The following ABLIM1 variants were observed in gnomAD, a reference collection of about 807,000 sequenced individuals.
ABLIM1 encodes actin binding LIM protein 1.
In ABLIM1, 40 loss-of-function variants were observed where a neutral mutation model predicts 107.0. The observed-to-expected ratio is 0.37, with a 90% confidence interval of 0.29 to 0.49. The LOEUF is 0.49. Ranked by LOEUF, ABLIM1 falls within the 20% of genes least tolerant of loss-of-function variation. The pLI is 0.97. For missense variants in ABLIM1, 857 were observed against 1,008.5 expected, an observed-to-expected ratio of 0.85 and a Z score of 2.04; for synonymous variants, 357 against 357.3, an observed-to-expected ratio of 1.00 and a Z score of 0.01.
rs569699365 is a variant in ABLIM1, at chr10:114,628,895, G to A, written c.245-26934C>T. On this transcript the variant is annotated intron_variant, in intron 1 of 22. Transcript: ENST00000533213. ...TACAGCTTTTTAAATGAGTATAGTGGGCCTCTGGAGTATAGGTTGACGAGC... is the reference window on the plus strand; with the variant it reads ...TACAGCTTTTTAAATGAGTATAGTGAGCCTCTGGAGTATAGGTTGACGAGC... 1.4e-4 allele frequency among the ~76,000 whole-genome samples: 21 copies of A among 152,142 alleles called. 2 individuals are homozygous for A. In the South Asian group the frequency reaches 3.7e-3, roughly 27 times the overall value.
the ABLIM1 span, among the ~76,000 whole-genome samples, chr10:114,789,539 C>T: frequency 6.6e-6 from 1 of 152,256 alleles, no homozygotes; most frequent in East Asian, 1.9e-4. Context: ...TTTACACTCC[C>T]ACCAGAAGTG....
In ABLIM1 at chr10:114,571,143, G is replaced by C. The variant is rs761356105; in HGVS notation, c.673+154C>G. The stretch of plus-strand genomic sequence containing the variant: ...TTGAGCACCTTTTCATGTACCTGTT[G>C]GCCATTTTAATGTCATCTTTGGAGA... On this transcript the variant is annotated intron_variant, in intron 4 of 22. Coordinates refer to ENST00000533213, the MANE Select transcript of ABLIM1 (RefSeq NM_002313.7). Among the ~76,000 whole-genome samples, 24 of 152,178 alleles carry C rather than the reference G, an allele frequency of 1.6e-4. No homozygotes were observed. In the South Asian group the frequency reaches 2.7e-3, roughly 17 times the overall value.
chr10:114,643,854 G>A (rs1395887053), intron 1 of ABLIM1, among the ~76,000 whole-genome samples: 1 of 152,024 alleles, frequency 6.6e-6, no homozygotes, highest in Non-Finnish European at 1.5e-5. Flanking sequence ...GGGATTACAG[G>A]TGCGAGTCAC....
chr10:114,439,763 A>T, intron 20 of ABLIM1: 1 of 407,764 alleles, frequency 2.5e-6, no homozygotes, highest in South Asian at 3.7e-5. Context: ...GAGAGATTAT[A>T]ATTAAAAGAA....
intron 10 of ABLIM1, among the ~76,000 whole-genome samples, chr10:114,471,940 G>A (rs556165629): frequency 1.3e-5 from 2 of 152,190 alleles, no homozygotes; most frequent in Middle Eastern, 3.4e-3. Flanking sequence ...CGATTGGCCA[G>A]GGGAAACGGA....
intron 6 of ABLIM1, among the ~76,000 whole-genome samples, chr10:114,538,341 G>A (rs1483038475): frequency 2.6e-5 from 4 of 152,168 alleles, no homozygotes; most frequent in African/African-American, 7.2e-5. Flanking sequence ...GTCTAAAAGC[G>A]AGTCTAAATC....
chr10:114,563,088 G>A (rs1375480894), intron 4 of ABLIM1, among the ~76,000 whole-genome samples: 1 of 152,176 alleles, frequency 6.6e-6, no homozygotes, highest in Non-Finnish European at 1.5e-5. Flanking sequence ...TTTTGGAAAA[G>A]AAGACATGCA....
chr10:114,720,335 C>T (rs910061772), intron 1 of ABLIM1, among the ~76,000 whole-genome samples: 1 of 152,114 alleles, frequency 6.6e-6, no homozygotes, highest in Admixed American at 6.6e-5. Flanking sequence ...TATGAACATA[C>T]ATGTACATGT....
At chr10:114,763,638 C>A (rs888980158) in intron 1 of ABLIM1, among the ~76,000 whole-genome samples, 2 of 152,112 alleles carry the variant, frequency 1.3e-5, no homozygotes, top group Admixed American at 6.5e-5. Context: ...GCTGCCTTGG[C>A]CTCCCAAAGT....
At chr10:114,676,167 C>T (rs773190617) in intron 1 of ABLIM1, among the ~76,000 whole-genome samples, 5 of 152,188 alleles carry the variant, frequency 3.3e-5, no homozygotes, top group African/African-American at 4.8e-5. Context: ...GGAAACACAA[C>T]TGGTATAACA....
At chr10:114,728,673 G>T (rs1039016388) in intron 1 of ABLIM1, among the ~76,000 whole-genome samples, 1 of 151,686 alleles carries the variant, frequency 6.6e-6, no homozygotes, top group Admixed American at 6.6e-5. Flanking sequence ...AAGCTGTGAT[G>T]TGTATTGTTC....
At chr10:114,605,662 A>C (rs1402044032) in intron 1 of ABLIM1, among the ~76,000 whole-genome samples, 3 of 152,128 alleles carry the variant, frequency 2.0e-5, no homozygotes, top group Admixed American at 6.5e-5. Flanking sequence ...ACAATGAAAA[A>C]CCAAAAGCAT....
intron 6 of ABLIM1, among the ~76,000 whole-genome samples, chr10:114,508,823 A>G (rs1302040618): frequency 1.3e-5 from 2 of 152,258 alleles, no homozygotes; most frequent in African/African-American, 4.8e-5. Flanking sequence ...TGGTCACCAC[A>G]CAGTGATTAA....
the ABLIM1 span, among the ~76,000 whole-genome samples, chr10:114,792,582 C>G: frequency 6.6e-6 from 1 of 152,160 alleles, no homozygotes; most frequent in African/African-American, 2.4e-5. Flanking sequence ...GTTCCCCTAC[C>G]TCCTGCTGGC....
chr10:114,679,227 A>C (rs545138167), intron 1 of ABLIM1, among the ~76,000 whole-genome samples: 1 of 152,248 alleles, frequency 6.6e-6, no homozygotes, highest in South Asian at 2.1e-4. Context: ...CAAACCTAAA[A>C]TCTTACTATC....
chr10:114,468,149 C>T, intron 11 of ABLIM1, 32 bp downstream of exon 11: 1 of 1,595,376 alleles, frequency 6.3e-7, no homozygotes, highest in Non-Finnish European at 8.6e-7. Flanking sequence ...CAAATTCCAC[C>T]CATTAAAATG....
At chr10:114,685,883 C>T (rs1305639778), upstream of ABLIM1, among the ~76,000 whole-genome samples, 2 of 152,104 alleles carry the variant, frequency 1.3e-5, no homozygotes, top group Admixed American at 6.5e-5. Context: ...TCTTGTTAGC[C>T]TGCATTTAAA....
intron 12 of ABLIM1, among the ~76,000 whole-genome samples, chr10:114,456,902 G>A (rs546176849): frequency 3.7e-4 from 55 of 146,994 alleles, no homozygotes; most frequent in African/African-American, 1.3e-3. Context: ...GATGTCTTCA[G>A]CAAACATTCA....
intron 1 of ABLIM1, among the ~76,000 whole-genome samples, chr10:114,641,791 G>A (rs2078766290): frequency 6.6e-6 from 1 of 152,198 alleles, no homozygotes; most frequent in African/African-American, 2.4e-5. Context: ...GTGAGATCAG[G>A]AGGCAGACAG....
Sources: allele counts gnomAD v4.1 joint callset (sites outside exome capture counted in the v4.1 genomes callset), GRCh38; gene constraint gnomAD v4.1.1; transcripts MANE v1.5; gene names NCBI Gene and HGNC (gene_info 2026-07-23, HGNC 2026-07-21).